The following RRM2 variants were observed in gnomAD, a reference collection of about 807,000 sequenced individuals.
RRM2 encodes the protein ribonucleoside-diphosphate reductase subunit M2.
RRM2 carries 6 observed loss-of-function variants against 45.9 expected under a neutral mutation model. That is an observed-to-expected ratio of 0.13 (90% CI 0.07 to 0.26). The LOEUF is 0.26. RRM2 is among the 10% of genes least tolerant of loss of function. RRM2 has a pLI of 1.00. For missense variants in RRM2, 343 were observed against 489.5 expected (o/e 0.70, Z 2.82); for synonymous variants, 177 against 173.0 (o/e 1.02, Z -0.18).
intron 3 of RRM2, among the ~76,000 whole-genome samples, chr2:10,194,628 G>A (rs1335855870): frequency 1.3e-5 from 2 of 152,228 alleles, no homozygotes; most frequent in Non-Finnish European, 2.9e-5. Context: ...CCGGCCTGGT[G>A]TCCCGTGCCC....
chr2:10,208,984 G>T (rs934452334), intron 3 of RRM2, among the ~76,000 whole-genome samples: 1 of 151,570 alleles, frequency 6.6e-6, no homozygotes, highest in Non-Finnish European at 1.5e-5. Context: ...CCTGTCTCCT[G>T]GTGGCCAAAC....
intron 5 of RRM2, 161 bp from the exon 6 acceptor site, chr2:10,126,714 G>T: frequency 3.1e-6 from 2 of 649,210 alleles, no homozygotes. Context: ...GGGAAAAACT[G>T]ACCAGTAAAA....
intron 3 of RRM2, among the ~76,000 whole-genome samples, chr2:10,156,556 A>G (rs1342670294): frequency 6.6e-6 from 1 of 152,210 alleles, no homozygotes; most frequent in Non-Finnish European, 1.5e-5. Context: ...ACAGAAAGAG[A>G]GAACAGAGGT....
intron 3 of RRM2, among the ~76,000 whole-genome samples, chr2:10,156,724 C>T (rs1309136879): frequency 3.3e-5 from 5 of 152,224 alleles, no homozygotes; most frequent in East Asian, 1.9e-4. Flanking sequence ...CTGTAACTTC[C>T]GCCTCCTGGG....
chr2:10,186,758 T>C (rs978694161), intron 3 of RRM2, among the ~76,000 whole-genome samples: 1 of 152,218 alleles, frequency 6.6e-6, no homozygotes, highest in African/African-American at 2.4e-5. Flanking sequence ...TTACCACTTA[T>C]TACTTACCAC....
intron 3 of RRM2, among the ~76,000 whole-genome samples, chr2:10,193,791 C>G (rs939961427): frequency 3.3e-5 from 5 of 152,210 alleles, no homozygotes; most frequent in African/African-American, 1.2e-4. Context: ...AGAGCAACCC[C>G]TCTTCACCCT....
chr2:10,157,237 C>G (rs1663449855), intron 3 of RRM2, among the ~76,000 whole-genome samples: 1 of 152,068 alleles, frequency 6.6e-6, no homozygotes, highest in African/African-American at 2.4e-5. Context: ...ACCATGTTGG[C>G]CAGACTGGTC....
rs1572515555 is a variant in RRM2 at position 10,171,523 on chromosome 2, G to A, written n.482+29148G>A. Among the ~76,000 whole-genome samples, 3 of 152,322 alleles carry A rather than the reference G, an allele frequency of 2.0e-5. No homozygotes were observed. In the East Asian group the frequency reaches 5.8e-4, roughly 29 times the overall value. ...CTGTGGGTCGAGTGAGCTAAGCAGG[G>A]CTTGGCAAGGTGGTGTCCCCCGGTC... On this transcript the variant is annotated intron_variant and non_coding_transcript_variant, in intron 3 of 3. Coordinates refer to the RRM2 transcript ENST00000381786. This position sits in a 1 kb window ranked among gnomAD's most constrained non-coding sequence, Gnocchi z 4.1.
At chr2:10,145,204 G>T (rs1168975643) in intron 3 of RRM2, among the ~76,000 whole-genome samples, 2 of 152,216 alleles carry the variant, frequency 1.3e-5, no homozygotes, top group Non-Finnish European at 2.9e-5. Flanking sequence ...TGTGGGCCAG[G>T]TGGGTGGGTA....
chr2:10,203,447 T>A (rs2125334368), intron 3 of RRM2, among the ~76,000 whole-genome samples: 1 of 152,216 alleles, frequency 6.6e-6, no homozygotes, highest in Admixed American at 6.5e-5. Flanking sequence ...GGGGGGTAAA[T>A]GAATTAATAC....
At chr2:10,174,820 T>C (rs2125323519) in intron 3 of RRM2, among the ~76,000 whole-genome samples, 1 of 151,514 alleles carries the variant, frequency 6.6e-6, no homozygotes, top group South Asian at 2.1e-4. Context: ...TGAGCTATGA[T>C]TGCACCACTG....
Position 10,124,826 on chromosome 2 carries a change from C to A in RRM2, c.545C>A (p.Thr182Asn). ...HSEMYSLLID[T>N]YIKDPKEREF... ...GAAATGTATAGTCTTCTTATTGACA[C>A]TTACATAAAAGATCCCAAAGAAAGG... Residue 182 changes from threonine (T) to asparagine (N), a missense_variant, in exon 5 of 10, where the codon ACT (threonine) becomes AAT (asparagine). By Grantham distance (65) the Thr-to-Asn change is moderately conservative. This residue lies in a region of RRM2 where 212 missense variants were observed against 368.1 expected (regional missense o/e 0.58). Transcript: ENST00000304567. 6.2e-7 allele frequency: 1 copy of A among 1,601,412 alleles called. No individual in the cohort carries two copies. The highest frequency in any genetic ancestry group is 8.5e-7 in the Non-Finnish European group (1 of 1,170,138).
chr2:10,141,860 G>T, exon 2 of RRM2: 1 of 1,559,240 alleles, frequency 6.4e-7, no homozygotes, highest in East Asian at 2.4e-5. Flanking sequence ...GCAGGTGCTG[G>T]GAGACCGTGA....
rs1199587892 is a variant in RRM2, at chr2:10,129,028, T to C, written c.904-13T>C. The C allele has an allele frequency of 6.2e-7, 1 of 1,612,882 alleles. No homozygotes were observed. Among genetic ancestry groups the C allele is most frequent in the Admixed American group, 1.7e-5 (1 of 60,022 alleles). ...GCTTTAGTTGTATTCAGAAGCTGTA[T>C]TTTGGTTCCTAGGAGTTCCTCACTG... is the stretch of plus-strand genomic sequence containing the variant. On this transcript the variant is annotated splice_polypyrimidine_tract_variant and intron_variant, in intron 8 of 9. Coordinates refer to ENST00000304567, the MANE Select transcript of RRM2 (RefSeq NM_001034.4). The surrounding 1 kb of genome is among the most constrained non-coding windows in gnomAD (Gnocchi z 4.8).
chr2:10,173,510 C>T (rs979661410), intron 3 of RRM2, among the ~76,000 whole-genome samples: 2 of 152,244 alleles, frequency 1.3e-5, no homozygotes, highest in Admixed American at 1.3e-4. Context: ...CTACCTCCCT[C>T]AGCAGAGGCC....
chr2:10,202,210 GA>G lies in RRM2; in HGVS notation n.483-8092del, dbSNP rs912700569. ...ACCTTCATTTTTATTTTATCCAACTGAAAAAAAAATCCTTTAACCTTTCAAA... is the reference window on the plus strand; with the variant it reads ...ACCTTCATTTTTATTTTATCCAACTGAAAAAAAATCCTTTAACCTTTCAAA... On this transcript the variant is annotated intron_variant and non_coding_transcript_variant, in intron 3 of 3. Transcript: ENST00000381786. Among the ~76,000 whole-genome samples the G allele has an allele frequency of 5.3e-5, 8 of 150,714 alleles. No homozygotes were observed. The South Asian group carries it at 1.5e-3, about 28-fold the overall frequency.
chr2:10,199,058 A>G (rs1664477799), intron 3 of RRM2: 1 of 152,142 alleles, frequency 6.6e-6, no homozygotes, highest in South Asian at 2.1e-4. Flanking sequence ...CCCTATAGTT[A>G]TAAAAGGATG....
intron 3 of RRM2, among the ~76,000 whole-genome samples, chr2:10,168,824 C>G (rs1176031442): frequency 6.7e-6 from 1 of 149,160 alleles, no homozygotes; most frequent in African/African-American, 2.6e-5. Context: ...CCAACCTTTC[C>G]TCAGTACCCA....
chr2:10,164,029 T>C (rs920167626), intron 3 of RRM2, among the ~76,000 whole-genome samples: 4 of 150,636 alleles, frequency 2.7e-5, no homozygotes, highest in Non-Finnish European at 5.9e-5. Context: ...TGTGTGTGCA[T>C]GAGTGTGAGT....
Sources: gnomAD v4.1 joint callset for allele counts (sites outside exome capture counted in the v4.1 genomes callset) on GRCh38, gnomAD v4.1.1 for gene constraint, gnomAD v4.1.1 regional missense constraint, Gnocchi (gnomAD v3.1) non-coding constraint, MANE v1.5 for transcripts, NCBI Gene and HGNC (gene_info 2026-07-23, HGNC 2026-07-21) for gene names.